RBFOX1: variants seen among roughly 807,000 people sequenced by gnomAD.
RBFOX1 encodes RNA binding protein fox-1 homolog 1.
A neutral mutation model predicts 57.7 loss-of-function variants in RBFOX1; 8 were observed. That is an observed-to-expected ratio of 0.14 (90% CI 0.08 to 0.25). RBFOX1 has a LOEUF of 0.25. Among genes scored for constraint, RBFOX1 ranks in the 10% least tolerant of loss-of-function variants. RBFOX1 has a pLI of 1.00. For missense variants in RBFOX1, 611 were observed against 548.5 expected (o/e 1.11, Z -1.14); for synonymous variants, 326 against 222.4 (o/e 1.47, Z -4.15).
chr16:6,662,513 A>G (rs144140158), intron 3 of RBFOX1, among the ~76,000 whole-genome samples: 1 of 152,310 alleles, frequency 6.6e-6, no homozygotes, highest in Non-Finnish European at 1.5e-5. Context: ...AAACACTTAG[A>G]TTAGATTTCA....
intron 4 of RBFOX1, chr16:7,332,945 C>A: frequency 1.2e-6 from 2 of 1,611,468 alleles, no homozygotes; most frequent in Non-Finnish European, 1.7e-6. Context: ...ATAGATTTCC[C>A]CCTAACTCTC....
chr16:7,288,164 C>T (rs900850484), intron 4 of RBFOX1, among the ~76,000 whole-genome samples: 1 of 152,130 alleles, frequency 6.6e-6, no homozygotes, highest in Admixed American at 6.5e-5. Context: ...CCCACAAGCA[C>T]CCTGGGGAAG....
intron 1 of RBFOX1, among the ~76,000 whole-genome samples, chr16:6,308,747 C>A (rs551172910): frequency 1.3e-5 from 2 of 152,272 alleles, no homozygotes; most frequent in African/African-American, 4.8e-5. Context: ...GACCAGGTAT[C>A]AGGAGTTGTG....
intron 3 of RBFOX1, among the ~76,000 whole-genome samples, chr16:6,772,907 A>AT (rs2078588044): frequency 1.6e-5 from 1 of 61,088 alleles, no homozygotes; most frequent in African/African-American, 6.5e-5. Flanking sequence ...GTGTGTGTGT[A>AT]AGTGTGGGCT....
chr16:6,828,432 G>A (rs2092403878), intron 3 of RBFOX1, among the ~76,000 whole-genome samples: 1 of 152,072 alleles, frequency 6.6e-6, no homozygotes, highest in Admixed American at 6.5e-5. Flanking sequence ...ACTGAGGCAG[G>A]AGAATCACTT....
chr16:5,745,594 T>C (rs1445668095), intron 3 of RBFOX1, among the ~76,000 whole-genome samples: 1 of 152,214 alleles, frequency 6.6e-6, no homozygotes, highest in African/African-American at 2.4e-5. Context: ...CCACATCCTG[T>C]CCAGCACCTG....
At chr16:6,460,560 C>A (rs2094894054) in intron 2 of RBFOX1, among the ~76,000 whole-genome samples, 1 of 151,952 alleles carries the variant, frequency 6.6e-6, no homozygotes. Context: ...CATCTCACAC[C>A]AGTCAGAATG....
intron 3 of RBFOX1, among the ~76,000 whole-genome samples, chr16:5,686,015 A>C (rs1335247606): frequency 1.3e-5 from 2 of 152,224 alleles, no homozygotes; most frequent in Admixed American, 1.3e-4. Flanking sequence ...GTCAGAAGGA[A>C]TACAAGTAGG....
chr16:6,031,605 ATT>A (rs1359319643), intron 1 of RBFOX1, among the ~76,000 whole-genome samples: 1 of 152,166 alleles, frequency 6.6e-6, no homozygotes, highest in African/African-American at 2.4e-5. Context: ...GCAAACGTGC[ATT>A]TTTGTGTACA....
intron 1 of RBFOX1, chr16:6,057,085 G>C (rs1242349816): frequency 2.2e-5 from 3 of 137,730 alleles, no homozygotes; most frequent in Admixed American, 7.2e-5. Flanking sequence ...AGGAGGGGGG[G>C]GAATATTGCA....
At chr16:7,273,114 C>G (rs1240482677) in intron 4 of RBFOX1, among the ~76,000 whole-genome samples, 3 of 123,290 alleles carry the variant, frequency 2.4e-5, no homozygotes, top group African/African-American at 9.8e-5. Flanking sequence ...CTCCTTCCCT[C>G]TCTCCCTCCC....
intron 3 of RBFOX1, among the ~76,000 whole-genome samples, chr16:6,844,626 G>C (rs975534523): frequency 4.6e-5 from 7 of 152,018 alleles, no homozygotes; most frequent in Admixed American, 3.3e-4. Flanking sequence ...TTGCTATCGT[G>C]AATAGTGCTG....
At chr16:6,298,590 T>A (rs2078418504) in intron 1 of RBFOX1, among the ~76,000 whole-genome samples, 1 of 152,176 alleles carries the variant, frequency 6.6e-6, no homozygotes, top group Non-Finnish European at 1.5e-5. Flanking sequence ...AAGCAGATCC[T>A]AATGGGTTCA....
At chr16:7,676,299 T>C (rs1265457787) in intron 13 of RBFOX1, among the ~76,000 whole-genome samples, 2 of 152,146 alleles carry the variant, frequency 1.3e-5, no homozygotes, top group African/African-American at 4.8e-5. Context: ...TAATAAACTT[T>C]CAATCAAAGG....
At chr16:7,674,510 A>C (rs2072657651) in intron 13 of RBFOX1, among the ~76,000 whole-genome samples, 1 of 152,206 alleles carries the variant, frequency 6.6e-6, no homozygotes, top group African/African-American at 2.4e-5. Context: ...CTGGCTCTGG[A>C]GAGTTAAGGA....
intron 11 of RBFOX1, among the ~76,000 whole-genome samples, chr16:7,645,176 T>C (rs1484010868): frequency 1.3e-5 from 2 of 152,146 alleles, no homozygotes; most frequent in African/African-American, 4.8e-5. Flanking sequence ...ATCAGACCTA[T>C]AACAGCCTAG....
chr16:5,516,612 A>T (rs2043801974), intron 2 of RBFOX1, among the ~76,000 whole-genome samples: 1 of 152,074 alleles, frequency 6.6e-6, no homozygotes, highest in African/African-American at 2.4e-5. Flanking sequence ...TTGATTCCTG[A>T]TTTGGTTTTG....
chr16:5,645,276 A>AAAC (rs999618519), intron 3 of RBFOX1, among the ~76,000 whole-genome samples: 59 of 704 alleles, frequency 0.084, no homozygotes, highest in Admixed American at 0.18. Context: ...AAACAAAAAC[A>AAAC]AAAAAAAAAA....
intron 3 of RBFOX1, among the ~76,000 whole-genome samples, chr16:6,918,803 G>A (rs1175904270): frequency 1.3e-5 from 2 of 152,116 alleles, no homozygotes; most frequent in East Asian, 3.9e-4. Flanking sequence ...GGAGCATTGA[G>A]CAGAAGCGCA....
Sources: gnomAD v4.1 joint callset for allele counts (sites outside exome capture counted in the v4.1 genomes callset) on GRCh38, gnomAD v4.1.1 for gene constraint, MANE v1.5 for transcripts, NCBI Gene and HGNC (gene_info 2026-07-23, HGNC 2026-07-21) for gene names.